NUBP1: variants seen among roughly 807,000 people sequenced by gnomAD.
NUBP1 encodes the protein cytosolic Fe-S cluster assembly factor NUBP1.
NUBP1 carries 46 observed loss-of-function variants against 41.8 expected under a neutral mutation model. The observed-to-expected ratio is 1.10, with a 90% CI of 0.87 to 1.41. The LOEUF is 1.41. NUBP1 is among the 40% of genes most tolerant of loss of function. The pLI, the probability that NUBP1 is intolerant of heterozygous loss-of-function variation, is 0.00. For synonymous variants in NUBP1, 189 were observed against 154.6 expected (o/e 1.22, Z -1.65); for missense variants, 494 against 414.0 (o/e 1.19, Z -1.68).
intron 3 of NUBP1, among the ~76,000 whole-genome samples, chr16:10,750,860 C>G (rs1453328754): frequency 6.6e-6 from 1 of 152,234 alleles, no homozygotes; most frequent in Non-Finnish European, 1.5e-5. Context: ...CTTGCAGCAT[C>G]TCCACCTTCT....
In NUBP1 at chr16:10,757,266, T is replaced by C. The variant is rs1900623733; in HGVS notation, c.451+486T>C. Among the ~76,000 whole-genome samples, 1 of 152,134 alleles carries C rather than the reference T, an allele frequency of 6.6e-6. No individual in the cohort carries two copies. Among genetic ancestry groups the C allele is most frequent in the South Asian group, 2.1e-4 (1 of 4,826 alleles). On this transcript the variant is annotated intron_variant, in intron 6 of 10. Coordinates refer to ENST00000283027, the MANE Select transcript of NUBP1 (RefSeq NM_002484.4). This position sits in a 1 kb window ranked among gnomAD's most constrained non-coding sequence, Gnocchi z 4.1. ...AAGATCATGCCACTGCACTCCAGCC[T>C]GTGTGACAGAGCGAGACTTTTTCTC...
At chr16:10,747,047 C>T (rs954756995) in intron 2 of NUBP1, 96 bp from the exon 3 acceptor site, 7 of 1,467,152 alleles carry the variant, frequency 4.8e-6, no homozygotes, top group Non-Finnish European at 6.6e-6. Context: ...AGGACTAGTA[C>T]TAGGACTAGG....
intron 7 of NUBP1, among the ~76,000 whole-genome samples, chr16:10,760,329 A>G (rs1041840749): frequency 6.6e-6 from 1 of 152,224 alleles, no homozygotes; most frequent in African/African-American, 2.4e-5. Context: ...GAGGAACTTT[A>G]TTTATAAAAC....
rs575017477 is a variant in NUBP1, at chr16:10,757,171, C to A, written c.451+391C>A. On this transcript the variant is annotated intron_variant, in intron 6 of 10. Coordinates refer to ENST00000283027, the MANE Select transcript of NUBP1 (RefSeq NM_002484.4). The surrounding 1 kb of genome is among the most constrained non-coding windows in gnomAD (Gnocchi z 4.1). ...AAAAAATTAGCCGAGCATGGTGGCA[C>A]GTACCTGTAATCCCAGCTACTCGAG... Among the ~76,000 whole-genome samples the A allele has an allele frequency of 6.6e-6, 1 of 152,108 alleles. No individual in the cohort carries two copies. Among genetic ancestry groups the A allele is most frequent in the East Asian group, 1.9e-4 (1 of 5,160 alleles).
intron 9 of NUBP1, among the ~76,000 whole-genome samples, chr16:10,763,240 C>T (rs1191957951): frequency 2.0e-5 from 3 of 151,986 alleles, no homozygotes; most frequent in South Asian, 2.1e-4. Context: ...GGTTCATGTC[C>T]GTGCAGTTGA....
chr16:10,759,285 G>A lies in NUBP1; in HGVS notation c.606+1258G>A, dbSNP rs1900780941. 6.6e-6 allele frequency among the ~76,000 whole-genome samples: 1 copy of A among 152,186 alleles called. No homozygotes were observed. The highest frequency in any genetic ancestry group is 1.5e-5 in the Non-Finnish European group (1 of 68,028). ...TGGAGTGGCAGGCCCAGCGGCCATG[G>A]GAAGGGTGTCCGGGTCAGAAAATGG... is the stretch of plus-strand genomic sequence containing the variant. On this transcript the variant is annotated intron_variant, in intron 7 of 10. Transcript: ENST00000283027. This position sits in a 1 kb window ranked among gnomAD's most constrained non-coding sequence, Gnocchi z 4.7.
intron 3 of NUBP1, among the ~76,000 whole-genome samples, chr16:10,748,004 T>C (rs1900140510): frequency 2.0e-5 from 3 of 152,144 alleles, no homozygotes; most frequent in Admixed American, 1.3e-4. Flanking sequence ...CTGAAGTGCA[T>C]TGCTATGATC....
At chr16:10,744,444 C>T (rs891980602) in intron 2 of NUBP1, among the ~76,000 whole-genome samples, 1 of 152,204 alleles carries the variant, frequency 6.6e-6, no homozygotes, top group Non-Finnish European at 1.5e-5. Context: ...TTCGGACTTA[C>T]ATCCTGGCTC....
chr16:10,759,549 A>C lies in NUBP1; in HGVS notation c.606+1522A>C, dbSNP rs1365686370. Among the ~76,000 whole-genome samples the C allele has an allele frequency of 6.6e-6, 1 of 152,156 alleles. No homozygotes were observed. The highest frequency in any genetic ancestry group is 1.5e-5 in the Non-Finnish European group (1 of 68,024). ...AGCACTTTGGGAGGCCGAGGCAGGCAGATTACTTGAGGTCAGGAGTTCGAG... is the reference window on the plus strand; with the variant it reads ...AGCACTTTGGGAGGCCGAGGCAGGCCGATTACTTGAGGTCAGGAGTTCGAG... On this transcript the variant is annotated intron_variant, in intron 7 of 10. Transcript: ENST00000283027. The surrounding 1 kb of genome is among the most constrained non-coding windows in gnomAD (Gnocchi z 4.7).
At position 10,768,949 on chromosome 16, in the gene NUBP1, T is replaced by C; in HGVS notation, c.905-98T>C. The C allele has an allele frequency of 2.8e-6, 3 of 1,055,330 alleles. No homozygotes were observed. Among genetic ancestry groups the C allele is most frequent in the Non-Finnish European group, 4.4e-6 (3 of 685,188 alleles). The allele number at this position is 1,055,330 out of a possible 1,614,324, so 65.4% of individuals were successfully genotyped here. On this transcript the variant is annotated intron_variant, in intron 10 of 10. Coordinates refer to ENST00000283027, the MANE Select transcript of NUBP1 (RefSeq NM_002484.4). The surrounding 1 kb of genome is among the most constrained non-coding windows in gnomAD (Gnocchi z 4.3). ...CTTTTTATGGAACTAGCCAGAGGAT[T>C]CCACCCCTGTCAAAACACAGCCCTC...
intron 3 of NUBP1, among the ~76,000 whole-genome samples, chr16:10,750,248 T>C (rs930452529): frequency 6.6e-6 from 1 of 152,152 alleles, no homozygotes; most frequent in Admixed American, 6.5e-5. Flanking sequence ...TTAAACTTTT[T>C]TTGTTTGTTT....
intron 4 of NUBP1, among the ~76,000 whole-genome samples, chr16:10,754,600 C>T (rs931286124): frequency 6.6e-6 from 1 of 152,104 alleles, no homozygotes; most frequent in African/African-American, 2.4e-5. Flanking sequence ...TTGTGTGATT[C>T]CACTTACATG....
At chr16:10,745,410 G>A (rs1186178429) in intron 2 of NUBP1, among the ~76,000 whole-genome samples, 1 of 152,000 alleles carries the variant, frequency 6.6e-6, no homozygotes, top group African/African-American at 2.4e-5. Context: ...AGCTGAGATC[G>A]TGCCACTGCA....
chr16:10,750,857 C>T (rs1408172347), intron 3 of NUBP1, among the ~76,000 whole-genome samples: 4 of 152,206 alleles, frequency 2.6e-5, no homozygotes, highest in African/African-American at 9.7e-5. Flanking sequence ...AGCCTTGCAG[C>T]ATCTCCACCT....
In NUBP1 at chr16:10,747,151, G is replaced by A. The variant is rs771601999; in HGVS notation, c.133G>A (p.Glu45Lys). Reference protein sequence around the residue: ...AGATPDTAIEEIKEKMKTVKH... With the variant: ...AGATPDTAIEKIKEKMKTVKH... ...TTTGGTTTTCTTTGCAGCTATAGAGGAAATCAAAGAGAAAATGAAGACTGT... is the reference window on the plus strand; with the variant it reads ...TTTGGTTTTCTTTGCAGCTATAGAGAAAATCAAAGAGAAAATGAAGACTGT... The change falls in exon 3 of 11, where the codon GAA becomes AAA. Residue 45 changes from glutamate to lysine, a missense_variant. Transcript: ENST00000283027. The A allele has an allele frequency of 1.2e-4, 190 of 1,613,964 alleles. No homozygotes were observed. Among genetic ancestry groups the A allele is most frequent in the Non-Finnish European group, 1.5e-4 (182 of 1,179,986 alleles).
intron 2 of NUBP1, among the ~76,000 whole-genome samples, chr16:10,746,739 CA>C (rs1002662993): frequency 9.0e-5 from 13 of 144,642 alleles, no homozygotes; most frequent in Non-Finnish European, 1.2e-4. Context: ...CACTCTGTCT[CA>C]AAAAAAAAAG....
Position 10,767,711 on chromosome 16 carries a change from G to A in NUBP1, c.821-238G>A. ...CTGAATCAGTTCTCTGTAGGGCCCT[G>A]GAACCTGCATTTTCTGTACACCACC... On this transcript the variant is annotated intron_variant, in intron 9 of 10. Coordinates refer to ENST00000283027, the MANE Select transcript of NUBP1 (RefSeq NM_002484.4). The surrounding 1 kb of genome is among the most constrained non-coding windows in gnomAD (Gnocchi z 4.6). 1.8e-6 allele frequency: 1 copy of A among 566,734 alleles called. No homozygotes were observed. The highest frequency in any genetic ancestry group is 3.1e-5 in the Admixed American group (1 of 32,302). The allele number at this position is 566,734 out of a possible 1,614,324, so 35.1% of individuals were successfully genotyped here.
At chr16:10,762,772 G>T (rs781619186) in intron 9 of NUBP1, among the ~76,000 whole-genome samples, 1 of 151,314 alleles carries the variant, frequency 6.6e-6, no homozygotes, top group Admixed American at 6.6e-5. Context: ...GGGGCCGGGC[G>T]GGTGAAGTAT....
Position 10,756,546 on chromosome 16 carries a change from G to C in NUBP1, c.361-144G>C, listed in dbSNP as rs112877453. On this transcript the variant is annotated intron_variant, in intron 5 of 10. Transcript: ENST00000283027. Reference sequence around the variant, plus strand: ...TTTCCAAAAATGATTTAGGAGCAAAGAGTGAATATGCTCATAGGTCACATG... The same window carrying C: ...TTTCCAAAAATGATTTAGGAGCAAACAGTGAATATGCTCATAGGTCACATG... The C allele has an allele frequency of 1.0e-4, 50 of 483,702 alleles. 1 individual carries two copies. The highest frequency in any genetic ancestry group is 7.5e-4 in the African/African-American group (36 of 48,272). The allele number at this position is 483,702 out of a possible 1,614,324, so 30.0% of individuals were successfully genotyped here. A position where few individuals can be genotyped will look rare whatever the true frequency, so the allele number is the denominator to read the frequency against.
Sources: allele counts gnomAD v4.1 joint callset (sites outside exome capture counted in the v4.1 genomes callset), GRCh38; gene constraint gnomAD v4.1.1; non-coding constraint Gnocchi (gnomAD v3.1); transcripts MANE v1.5; gene names NCBI Gene and HGNC (gene_info 2026-07-23, HGNC 2026-07-21).